The following RNF115 variants were observed in gnomAD, a reference collection of about 807,000 sequenced individuals.
RNF115 encodes ring finger protein 115.
RNF115 carries 31 observed loss-of-function variants against 39.2 expected under a neutral mutation model. That is an observed-to-expected ratio of 0.79 (90% CI 0.59 to 1.07). The LOEUF (loss-of-function observed/expected upper bound fraction) is 1.07, where lower values mean the gene tolerates loss of function less well. Ranked by LOEUF, RNF115 falls within the 50% of genes least tolerant of loss-of-function variation. The pLI is 0.00. For synonymous variants in RNF115, 124 were observed against 131.0 expected, an observed-to-expected ratio of 0.95 and a Z score of 0.37; for missense variants, 384 against 381.7, an observed-to-expected ratio of 1.01 and a Z score of -0.05.
intron 1 of RNF115, among the ~76,000 whole-genome samples, chr1:145,806,097 CAGCACTTTGGGAAGCTG>C (rs1464765491): frequency 6.6e-6 from 1 of 152,094 alleles, no homozygotes; most frequent in African/African-American, 2.4e-5. Context: ...ACTATAATCC[CAGCACTTTGGGAAGCTG>C]AGGCGGGTGG....
chr1:145,763,097 C>T (rs1006344371), intron 4 of RNF115, among the ~76,000 whole-genome samples: 3 of 152,092 alleles, frequency 2.0e-5, no homozygotes, highest in Admixed American at 6.5e-5. Context: ...AGCCCAAACC[C>T]CAGCATCACA....
intron 4 of RNF115, among the ~76,000 whole-genome samples, chr1:145,755,706 G>A (rs1318535933): frequency 6.6e-6 from 1 of 152,094 alleles, no homozygotes; most frequent in African/African-American, 2.4e-5. Flanking sequence ...ACTTTGAGGA[G>A]AGCATCAGTG....
intron 4 of RNF115, among the ~76,000 whole-genome samples, chr1:145,769,620 G>A (rs968767325): frequency 1.3e-5 from 2 of 151,890 alleles, no homozygotes; most frequent in African/African-American, 2.4e-5. Context: ...TAAATAATAG[G>A]TAATTCCTGT....
chr1:145,775,831 A>C (rs1210649410), intron 3 of RNF115, among the ~76,000 whole-genome samples: 1 of 151,854 alleles, frequency 6.6e-6, no homozygotes, highest in Non-Finnish European at 1.5e-5. Context: ...CCTTGTCTCT[A>C]CTAAAAAAAT....
At chr1:145,802,372 G>T (rs1553720987) in intron 1 of RNF115, among the ~76,000 whole-genome samples, 1 of 152,196 alleles carries the variant, frequency 6.6e-6, no homozygotes, top group Non-Finnish European at 1.5e-5. Context: ...AAGGAAAAGG[G>T]TGGTTTTAAT....
rs79790602 is a variant in RNF115 at position 145,741,584 on chromosome 1, C to T, written c.*5282G>A. 2,062 of 152,428 alleles carry T rather than the reference C, an allele frequency of 0.014. 18 individuals carry two copies. Among genetic ancestry groups the T allele is most frequent in the Non-Finnish European group, 0.021 (1,422 of 68,066 alleles). The allele number at this position is 152,428 out of a possible 1,614,324, so 9.4% of individuals were successfully genotyped here. ...AGGACAGCCACTTGTGATACTTACC[C>T]CATCAAAGTTTTCCTCCATCTTACT... is the stretch of plus-strand genomic sequence containing the variant. On this transcript the variant is annotated 3_prime_UTR_variant, in exon 9 of 9. Coordinates refer to ENST00000582693, the MANE Select transcript of RNF115 (RefSeq NM_014455.4).
At chr1:145,801,379 A>G (rs1553720884) in intron 1 of RNF115, among the ~76,000 whole-genome samples, 2 of 152,002 alleles carry the variant, frequency 1.3e-5, no homozygotes, top group Non-Finnish European at 2.9e-5. Context: ...GCCTGGCCCA[A>G]CATGGCAAAA....
intron 4 of RNF115, among the ~76,000 whole-genome samples, chr1:145,762,178 A>C (rs1658559673): frequency 6.6e-6 from 1 of 152,166 alleles, no homozygotes; most frequent in East Asian, 1.9e-4. Flanking sequence ...ATCTCAGATG[A>C]GACTTTGGAC....
intron 2 of RNF115, among the ~76,000 whole-genome samples, chr1:145,785,391 T>C (rs973349242): frequency 1.3e-5 from 2 of 152,178 alleles, no homozygotes; most frequent in Non-Finnish European, 2.9e-5. Flanking sequence ...TATCCTATAT[T>C]GACACTCAAA....
rs1649778523 is a variant in RNF115 at position 145,812,567 on chromosome 1, C to T, written c.102+11205G>A. Among the ~76,000 whole-genome samples, 4 of 151,430 alleles carry T rather than the reference C, an allele frequency of 2.6e-5. No homozygotes were observed. In the Admixed American group the frequency reaches 2.6e-4, roughly 10 times the overall value. On this transcript the variant is annotated intron_variant, in intron 1 of 8. Coordinates refer to ENST00000582693, the MANE Select transcript of RNF115 (RefSeq NM_014455.4). ...CTCAGTTACTCGGGAGGCTGAGGCA[C>T]AAGAATTGCTTGAACGTGGGAGGCG...
At chr1:145,782,954 C>G (rs587656247) in intron 3 of RNF115, among the ~76,000 whole-genome samples, 2 of 152,176 alleles carry the variant, frequency 1.3e-5, no homozygotes, top group African/African-American at 4.8e-5. Context: ...CTCTGCCTCC[C>G]GGGTTCAAGC....
chr1:145,752,984 A>G lies in RNF115; in HGVS notation c.494T>C (p.Phe165Ser), dbSNP rs782272252. The change falls in exon 5 of 9, where the codon TTT (phenylalanine) becomes TCT (serine). Residue 165 changes from phenylalanine to serine, a missense_variant. Transcript: ENST00000582693. ...AAAACAATTAGTTACTTACCAGGAA[A>G]AAGGGTGTGGAGATCCAGGAATGGC... ...NSAIPGSPHP[F>S]SWSGMLHSNP... 6.2e-7 allele frequency: 1 copy of G among 1,600,564 alleles called. No individual in the cohort carries two copies. Among genetic ancestry groups the G allele is most frequent in the East Asian group, 2.2e-5 (1 of 44,802 alleles).
chr1:145,801,340 G>A (rs1649234936), intron 1 of RNF115, among the ~76,000 whole-genome samples: 1 of 152,160 alleles, frequency 6.6e-6, no homozygotes, highest in African/African-American at 2.4e-5. Context: ...AGGCCACGGA[G>A]GGAGGATCAC....
chr1:145,800,712 C>T (rs1247063015), intron 1 of RNF115, among the ~76,000 whole-genome samples: 1 of 152,212 alleles, frequency 6.6e-6, no homozygotes, highest in South Asian at 2.1e-4. Flanking sequence ...CAGGTACTAT[C>T]TGACCACAAC....
chr1:145,764,665 G>A (rs587682368), intron 4 of RNF115, among the ~76,000 whole-genome samples: 3 of 152,244 alleles, frequency 2.0e-5, no homozygotes, highest in African/African-American at 7.2e-5. Flanking sequence ...TCTGGGAAGT[G>A]AGGAGCGTCT....
intron 4 of RNF115, among the ~76,000 whole-genome samples, chr1:145,769,948 T>C (rs1647560678): frequency 1.3e-5 from 2 of 152,044 alleles, no homozygotes; most frequent in African/African-American, 2.4e-5. Context: ...TTTGAGGTTG[T>C]AGTGAAACAT....
chr1:145,783,969 T>G (rs1287734122), intron 3 of RNF115, among the ~76,000 whole-genome samples: 2 of 152,140 alleles, frequency 1.3e-5, no homozygotes, highest in Admixed American at 6.6e-5. Flanking sequence ...TAAGATTTGT[T>G]TTTCCCAAAA....
intron 3 of RNF115, among the ~76,000 whole-genome samples, chr1:145,782,936 A>G (rs1648213993): frequency 6.6e-6 from 1 of 152,174 alleles, no homozygotes; most frequent in African/African-American, 2.4e-5. Flanking sequence ...ATCTCGACTC[A>G]CCTCAACCTC....
At chr1:145,767,055 T>G (rs1647347207) in intron 4 of RNF115, among the ~76,000 whole-genome samples, 1 of 129,938 alleles carries the variant, frequency 7.7e-6, no homozygotes, top group Non-Finnish European at 1.6e-5. Flanking sequence ...ACGGGGCGGC[T>G]GGCAGGGCAG....
Sources: gnomAD v4.1 joint callset for allele counts (sites outside exome capture counted in the v4.1 genomes callset) on GRCh38, gnomAD v4.1.1 for gene constraint, MANE v1.5 for transcripts, NCBI Gene and HGNC (gene_info 2026-07-23, HGNC 2026-07-21) for gene names.